Variants in KANSL1 observed in about 807,000 individuals in gnomAD.
KANSL1 encodes the protein MLL1/MLL complex subunit KANSL1.
KANSL1 carries 22 observed loss-of-function variants against 103.6 expected under a neutral mutation model. The ratio of observed to expected loss-of-function variants is 0.21; its 90% CI spans 0.15 to 0.30. The LOEUF (loss-of-function observed/expected upper bound fraction) is 0.30, where lower values mean the gene tolerates loss of function less well. Ranked by LOEUF, KANSL1 falls within the 10% of genes least tolerant of loss-of-function variation. The pLI, the probability that KANSL1 is intolerant of heterozygous loss-of-function variation, is 1.00. For missense variants in KANSL1, 1,337 were observed against 1,399.8 expected (o/e 0.96, Z 0.72); for synonymous variants, 600 against 527.6 (o/e 1.14, Z -1.88).
chr17:46,149,822 A>G (rs1485333897), intron 2 of KANSL1, among the ~76,000 whole-genome samples: 1 of 151,718 alleles, frequency 6.6e-6, no homozygotes, highest in Non-Finnish European at 1.5e-5. Context: ...CCTGGCTAGT[A>G]GTAGAGATGA....
intron 3 of KANSL1, among the ~76,000 whole-genome samples, chr17:46,090,667 T>C (rs1485127318): frequency 6.6e-6 from 1 of 152,238 alleles, no homozygotes; most frequent in Non-Finnish European, 1.5e-5. Context: ...CTTTGAATGA[T>C]GAAACTCTTG....
intron 4 of KANSL1, among the ~76,000 whole-genome samples, chr17:46,071,061 G>T (rs983951572): frequency 2.6e-5 from 4 of 152,126 alleles, no homozygotes; most frequent in African/African-American, 9.7e-5. Flanking sequence ...ATAACAGCCT[G>T]TCTTGTTTCT....
chr17:46,143,605 C>T (rs930565708), intron 2 of KANSL1, among the ~76,000 whole-genome samples: 10 of 151,934 alleles, frequency 6.6e-5, no homozygotes, highest in African/African-American at 2.4e-4. Context: ...GAGATTGAGG[C>T]CATCCTGGTT....
At chr17:46,055,611 G>T (rs1033835298) in intron 6 of KANSL1, among the ~76,000 whole-genome samples, 1 of 152,046 alleles carries the variant, frequency 6.6e-6, no homozygotes, top group Non-Finnish European at 1.5e-5. Flanking sequence ...AGACTTGAGG[G>T]GGGAGGGGAG....
chr17:46,073,113 G>C (rs2078636468), intron 4 of KANSL1, among the ~76,000 whole-genome samples: 1 of 152,186 alleles, frequency 6.6e-6, no homozygotes, highest in Non-Finnish European at 1.5e-5. Flanking sequence ...ACTGTCCCTA[G>C]AGACTGCAAA....
intron 4 of KANSL1, among the ~76,000 whole-genome samples, chr17:46,078,877 T>C (rs1349264338): frequency 6.6e-6 from 1 of 152,190 alleles, no homozygotes; most frequent in Non-Finnish European, 1.5e-5. Flanking sequence ...ACACCCTCTT[T>C]GTTCAAAAGG....
At chr17:46,208,584 T>G (rs1177702587) in intron 1 of KANSL1, among the ~76,000 whole-genome samples, 1 of 143,940 alleles carries the variant, frequency 6.9e-6, no homozygotes, top group African/African-American at 2.6e-5. Context: ...GCCACTGCAC[T>G]CTAGCCTGGA....
At position 46,203,029 on chromosome 17, in the gene KANSL1, C is replaced by T. The variant is rs56313597; in HGVS notation, c.-90+20642G>A. 5.5e-3 allele frequency among the ~76,000 whole-genome samples: 830 copies of T among 152,288 alleles called. 9 individuals carry two copies. Among genetic ancestry groups the T allele is most frequent in the African/African-American group, 0.019 (792 of 41,548 alleles). On this transcript the variant is annotated intron_variant, in intron 1 of 14. Transcript: ENST00000572904. ...AGTGGTTTGCTAGAACTCAGGAGTT[C>T]GAGACCAGCCTGGGCAACATGGTGA...
intron 2 of KANSL1, among the ~76,000 whole-genome samples, chr17:46,137,034 C>T (rs1394706407): frequency 6.6e-6 from 1 of 152,220 alleles, no homozygotes; most frequent in Non-Finnish European, 1.5e-5. Flanking sequence ...TTCTGCTGTT[C>T]TTTGGGGTGA....
intron 2 of KANSL1, among the ~76,000 whole-genome samples, chr17:46,110,896 T>C (rs553107154): frequency 6.6e-6 from 1 of 152,288 alleles, no homozygotes; most frequent in African/African-American, 2.4e-5. Flanking sequence ...TACAAAGCAG[T>C]AGTAATAGGT....
upstream of KANSL1, chr17:46,196,783 A>G (rs1292230949): frequency 9.2e-6 from 2 of 216,730 alleles, no homozygotes; most frequent in East Asian, 1.6e-4. Context: ...AGTATTTTAT[A>G]TAACTAATCT....
chr17:46,197,711 T>C (rs2047660093), upstream of KANSL1, among the ~76,000 whole-genome samples: 1 of 152,260 alleles, frequency 6.6e-6, no homozygotes, highest in African/African-American at 2.4e-5. Context: ...CTGTAATTCC[T>C]CTGAGTTTGT....
At position 46,218,553 on chromosome 17, in the gene KANSL1, C is replaced by T. The variant is rs1210617904; in HGVS notation, c.-90+5118G>A. Among the ~76,000 whole-genome samples the T allele has an allele frequency of 5.3e-5, 8 of 152,226 alleles. No homozygotes were observed. In the East Asian group the frequency reaches 7.8e-4, roughly 15 times the overall value. Reference sequence around the variant, plus strand: ...ATCCCAGCACTTTGGGAGGCCAAGGCGGGTGGATCACTTGAGGCCAGGAGT... The same window carrying T: ...ATCCCAGCACTTTGGGAGGCCAAGGTGGGTGGATCACTTGAGGCCAGGAGT... On this transcript the variant is annotated intron_variant, in intron 1 of 14. Coordinates refer to the KANSL1 transcript ENST00000572904.
intron 2 of KANSL1, among the ~76,000 whole-genome samples, chr17:46,163,958 A>C (rs538566440): frequency 2.0e-5 from 3 of 152,338 alleles, no homozygotes; most frequent in African/African-American, 7.2e-5. Flanking sequence ...CAATCAAAAG[A>C]AAACTGTCTA....
At chr17:46,111,527 A>C (rs566784296) in intron 2 of KANSL1, among the ~76,000 whole-genome samples, 4 of 152,368 alleles carry the variant, frequency 2.6e-5, no homozygotes, top group African/African-American at 9.6e-5. Flanking sequence ...AATATTAAGG[A>C]AGACTCTGCC....
chr17:46,127,984 AT>A (rs113399561), intron 2 of KANSL1, among the ~76,000 whole-genome samples: 18 of 148,586 alleles, frequency 1.2e-4, no homozygotes, highest in Admixed American at 1.3e-4. Context: ...CCCTTCCCTA[AT>A]TTTTTTTTTT....
In KANSL1 at chr17:46,031,530, G is replaced by C. The variant is rs370904425; in HGVS notation, c.3264C>G (p.Leu1088=). The C allele has an allele frequency of 1.9e-6, 3 of 1,614,036 alleles. No individual in the cohort carries two copies. The highest frequency in any genetic ancestry group is 1.7e-6 in the Non-Finnish European group (2 of 1,180,002). ...AAPTSPPIVP[L]KSRHLVAAAT... is the part of the protein sequence containing the mutation. ...CTGCTGCCACCAGATGCCGACTCTTGAGGGGGACAATGGGAGGCGAGGTGG... is the reference window on the plus strand; with the variant it reads ...CTGCTGCCACCAGATGCCGACTCTTCAGGGGGACAATGGGAGGCGAGGTGG... Residue 1088 remains leucine (L), a synonymous_variant, in exon 15 of 15, where the codon CTC becomes CTG. Transcript: ENST00000432791.
chr17:46,079,662 C>A (rs968858219), intron 4 of KANSL1, among the ~76,000 whole-genome samples: 8 of 152,154 alleles, frequency 5.3e-5, no homozygotes, highest in Admixed American at 3.9e-4. Flanking sequence ...CCTTGTTATT[C>A]AGTAAATCAC....
At chr17:46,127,981 C>T (rs1056639000) in intron 2 of KANSL1, among the ~76,000 whole-genome samples, 5 of 147,300 alleles carry the variant, frequency 3.4e-5, no homozygotes, top group Non-Finnish European at 6.2e-5. Flanking sequence ...CACCCCTTCC[C>T]TAATTTTTTT....
Sources: gnomAD v4.1 joint callset for allele counts (sites outside exome capture counted in the v4.1 genomes callset) on GRCh38, gnomAD v4.1.1 for gene constraint, MANE v1.5 for transcripts, NCBI Gene and HGNC (gene_info 2026-07-23, HGNC 2026-07-21) for gene names.